ATP5MC1: variants seen among roughly 807,000 people sequenced by gnomAD.
ATP5MC1 encodes ATP synthase F(0) complex subunit C1, mitochondrial.
A neutral mutation model predicts 12.1 loss-of-function variants in ATP5MC1; 4 were observed. That is an observed-to-expected ratio of 0.33 (90% confidence interval 0.16 to 0.76). The LOEUF is 0.76. ATP5MC1 is among the 30% of genes least tolerant of loss of function. The pLI is 0.61. For missense variants in ATP5MC1, 117 were observed against 172.1 expected, an observed-to-expected ratio of 0.68 and a Z score of 1.79; for synonymous variants, 52 against 66.0, an observed-to-expected ratio of 0.79 and a Z score of 1.03.
At chr17:48,893,184 G>C in intron 1 of ATP5MC1, 2 of 524,578 alleles carry the variant, frequency 3.8e-6, no homozygotes. Flanking sequence ...CCTTCCTGGG[G>C]CTTGGGCACA....
chr17:48,895,435 C>A, intron 4 of ATP5MC1, 101 bp downstream of exon 4: 1 of 1,464,190 alleles, frequency 6.8e-7, no homozygotes, highest in Non-Finnish European at 9.2e-7. Context: ...AGGTTGATTT[C>A]ATCTACATCA....
In ATP5MC1 at chr17:48,895,678, T is replaced by G; in HGVS notation, c.320T>G (p.Leu107Arg). 1.2e-6 allele frequency: 2 copies of G among 1,613,856 alleles called. No homozygotes were observed. Among genetic ancestry groups the G allele is most frequent in the East Asian group, 4.5e-5 (2 of 44,870 alleles). Residue 107 changes from leucine to arginine, a missense_variant, in exon 5 of 5, where the codon CTC becomes CGC. Physicochemically the swap from Leu to Arg is moderately radical, Grantham distance 102. Transcript: ENST00000393366. ...YARNPSLKQQ[L>R]FSYAILGFAL... is the part of the protein sequence containing the mutation. Reference sequence around the variant, plus strand: ...AGGAACCCGTCTCTCAAGCAGCAGCTCTTCTCCTATGCCATTCTTGGCTTT... The same window carrying G: ...AGGAACCCGTCTCTCAAGCAGCAGCGCTTCTCCTATGCCATTCTTGGCTTT...
intron 1 of ATP5MC1, 148 bp downstream of exon 1, chr17:48,893,058 C>T (rs985191262): frequency 6.4e-6 from 2 of 312,708 alleles, no homozygotes; most frequent in Non-Finnish European, 1.2e-5. Flanking sequence ...GAACGATTGA[C>T]TGCCTCGGCT....
chr17:48,895,700 C>T lies in ATP5MC1; in HGVS notation c.342C>T (p.Gly114=). 16 of 1,614,028 alleles carry T rather than the reference C, an allele frequency of 9.9e-6. No homozygotes were observed. The highest frequency in any genetic ancestry group is 1.4e-5 in the Non-Finnish European group (16 of 1,179,976). The change falls in exon 5 of 5, where the codon GGC becomes GGT. Residue 114 remains glycine (G), a synonymous_variant. Coordinates refer to ENST00000393366, the MANE Select transcript of ATP5MC1 (RefSeq NM_005175.3). ...AGCTCTTCTCCTATGCCATTCTTGG[C>T]TTTGCCCTGTCTGAGGCCATGGGGC... The part of the protein sequence containing the change: ...KQQLFSYAIL[G]FALSEAMGLF...
At position 48,893,396 on chromosome 17, in the gene ATP5MC1, T is replaced by C; in HGVS notation, c.-9-13T>C. The C allele has an allele frequency of 6.2e-7, 1 of 1,613,444 alleles. No homozygotes were observed. Among genetic ancestry groups the C allele is most frequent in the Non-Finnish European group, 8.5e-7 (1 of 1,179,872 alleles). ...CAGTGGGATTATTATTACTATTTTT[T>C]CCCCCTCTGCAGACTGAAAAAATGC... On this transcript the variant is annotated splice_polypyrimidine_tract_variant and intron_variant, in intron 1 of 4. Coordinates refer to ENST00000393366, the MANE Select transcript of ATP5MC1 (RefSeq NM_005175.3).
chr17:48,894,225 CCTAT>C (rs1237682075), intron 2 of ATP5MC1, 143 bp from the exon 3 acceptor site: 4 of 754,148 alleles, frequency 5.3e-6, no homozygotes, highest in African/African-American at 1.7e-5. Flanking sequence ...CTGGGGCAGG[CCTAT>C]CTGATAGGAA....
chr17:48,895,522 C>T, intron 4 of ATP5MC1, 133 bp from the exon 5 acceptor site: 1 of 1,271,866 alleles, frequency 7.9e-7, no homozygotes, highest in Non-Finnish European at 1.1e-6. Flanking sequence ...CTTGTCCATC[C>T]AAATCCCCAG....
chr17:48,893,435 A>T lies in ATP5MC1; in HGVS notation c.18A>T (p.Ala6=), dbSNP rs1236124971. The T allele has an allele frequency of 1.2e-6, 2 of 1,614,012 alleles. No homozygotes were observed. Among genetic ancestry groups the T allele is most frequent in the Non-Finnish European group, 1.7e-6 (2 of 1,180,024 alleles). ...CTGAAAAAATGCAGACCGCCGGGGC[A>T]TTATTCATTTCTCCAGCTCTGGTAA... MQTAG[A]LFISPALIRC... The change falls in exon 2 of 5, where the codon GCA becomes GCT. Residue 6 remains alanine (A), a synonymous_variant. Transcript: ENST00000393366.
At chr17:48,894,604 C>CA (rs1383496167) in intron 3 of ATP5MC1, 155 bp downstream of exon 3, 118 of 692,454 alleles carry the variant, frequency 1.7e-4, no homozygotes, top group Middle Eastern at 8.7e-4. Context: ...CCCATCTCTA[C>CA]AAAAAAAATA....
chr17:48,894,376 G>A lies in ATP5MC1; in HGVS notation c.44G>A (p.Arg15His), dbSNP rs758016938. Residue 15 changes from arginine (R) to histidine (H), a missense_variant, in exon 3 of 5, where the codon CGC becomes CAC. By Grantham distance (29) the Arg-to-His change is conservative. Coordinates refer to ENST00000393366, the MANE Select transcript of ATP5MC1 (RefSeq NM_005175.3). Reference sequence around the variant, plus strand: ...TGTGGCTTTCTGATTTTACAGATCCGCTGTTGTACCAGGGGTCTAATCAGG... The same window carrying A: ...TGTGGCTTTCTGATTTTACAGATCCACTGTTGTACCAGGGGTCTAATCAGG... ...GALFISPALI[R>H]CCTRGLIRPV... The A allele has an allele frequency of 2.4e-5, 38 of 1,613,614 alleles. No individual in the cohort carries two copies. The highest frequency in any genetic ancestry group is 1.6e-4 in the Middle Eastern group (1 of 6,080).
chr17:48,895,104 C>A, intron 3 of ATP5MC1, 52 bp from the exon 4 acceptor site: 1 of 1,561,046 alleles, frequency 6.4e-7, no homozygotes, highest in South Asian at 1.2e-5. Context: ...GCCACCTGTC[C>A]TTATGCCATA....
intron 1 of ATP5MC1, chr17:48,893,173 T>A (rs997657177): frequency 5.9e-6 from 3 of 510,460 alleles, no homozygotes; most frequent in East Asian, 6.4e-5. Context: ...TCGCAACATT[T>A]CCTTCCTGGG....
chr17:48,894,601 C>A, intron 3 of ATP5MC1, 152 bp downstream of exon 3: 1 of 709,962 alleles, frequency 1.4e-6, no homozygotes, highest in Non-Finnish European at 2.4e-6. Context: ...AACCCCATCT[C>A]TACAAAAAAA....
chr17:48,894,472 A>G (rs776558544), intron 3 of ATP5MC1, 23 bp downstream of exon 3: 10 of 1,609,312 alleles, frequency 6.2e-6, no homozygotes, highest in African/African-American at 1.3e-5. Context: ...TAGCTCTCTT[A>G]GGAATGTTCC....
At position 48,895,354 on chromosome 17, in the gene ATP5MC1, A is replaced by G. The variant is rs887914085; in HGVS notation, c.296+20A>G. The G allele has an allele frequency of 2.5e-6, 4 of 1,568,734 alleles. No individual in the cohort carries two copies. The African/African-American group carries it at 5.4e-5, about 21-fold the overall frequency. ...TGCCAGGTAAGTTTGGGTGGTCTAC[A>G]GCATCTCCCACTGTAAATTCCACCC... On this transcript the variant is annotated intron_variant, in intron 4 of 4. Transcript: ENST00000393366.
Position 48,895,191 on chromosome 17 carries a change from A to G in ATP5MC1, c.153A>G (p.Arg51=). The G allele has an allele frequency of 6.2e-7, 1 of 1,609,476 alleles. No homozygotes were observed. ...SYSNFPLQVA[R]REFQTSVVSR... The stretch of plus-strand genomic sequence containing the variant: ...GCAACTTCCCACTCCAGGTGGCCAG[A>G]CGGGAGTTCCAGACCAGTGTTGTCT... Residue 51 remains arginine (R), a synonymous_variant, in exon 4 of 5, where the codon AGA becomes AGG. Coordinates refer to ENST00000393366, the MANE Select transcript of ATP5MC1 (RefSeq NM_005175.3).
In ATP5MC1 at chr17:48,895,803, T is replaced by A; in HGVS notation, c.*34T>A. 6.4e-7 allele frequency: 1 copy of A among 1,551,476 alleles called. No individual in the cohort carries two copies. ...GGGGGGGTCACCGGCCTGTTGCTAC[T>A]GCAACTCCACACCATTCTTGGTGCT... On this transcript the variant is annotated 3_prime_UTR_variant, in exon 5 of 5. Transcript: ENST00000393366.
chr17:48,895,347 G>T lies in ATP5MC1; in HGVS notation c.296+13G>T. ...TTGGCTATGCCAGGTAAGTTTGGGTGGTCTACAGCATCTCCCACTGTAAAT... is the reference window on the plus strand; with the variant it reads ...TTGGCTATGCCAGGTAAGTTTGGGTTGTCTACAGCATCTCCCACTGTAAAT... On this transcript the variant is annotated intron_variant, in intron 4 of 4. Coordinates refer to ENST00000393366, the MANE Select transcript of ATP5MC1 (RefSeq NM_005175.3). 6.3e-7 allele frequency: 1 copy of T among 1,575,490 alleles called. No homozygotes were observed. The highest frequency in any genetic ancestry group is 2.3e-5 in the East Asian group (1 of 44,128).
rs931940994 is a variant in ATP5MC1 at position 48,895,195 on chromosome 17, G to C, written c.157G>C (p.Glu53Gln). ...SNFPLQVARR[E>Q]FQTSVVSRDI... The stretch of plus-strand genomic sequence containing the variant: ...CTTCCCACTCCAGGTGGCCAGACGG[G>C]AGTTCCAGACCAGTGTTGTCTCCCG... The change falls in exon 4 of 5, where the codon GAG (glutamate) becomes CAG (glutamine). Residue 53 changes from glutamate to glutamine, a missense_variant. By Grantham distance (29) the Glu-to-Gln change is conservative. Transcript: ENST00000393366. 3.1e-6 allele frequency: 5 copies of C among 1,609,702 alleles called. No individual in the cohort carries two copies. In the East Asian group the frequency reaches 8.9e-5, roughly 29 times the overall value.
Sources: gnomAD v4.1 joint callset for allele counts on GRCh38, gnomAD v4.1.1 for gene constraint, MANE v1.5 for transcripts, NCBI Gene and HGNC (gene_info 2026-07-23, HGNC 2026-07-21) for gene names.